Variants in KLF8 observed in about 807,000 individuals in gnomAD.
KLF8 encodes KLF transcription factor 8, also known as Krueppel-like factor 8.
KLF8 carries 10 observed loss-of-function variants against 18.2 expected under a neutral mutation model. That is an observed-to-expected ratio of 0.55 (90% CI 0.34 to 0.93). KLF8 has a LOEUF of 0.93. KLF8 is among the 40% of genes least tolerant of loss of function. The pLI is 0.02. For missense variants in KLF8, 264 were observed against 277.9 expected, an observed-to-expected ratio of 0.95 and a Z score of 0.36; for synonymous variants, 109 against 97.3, an observed-to-expected ratio of 1.12 and a Z score of -0.71.
the KLF8 span, among the ~76,000 whole-genome samples, chrX:56,164,173 A>T: frequency 1.0e-4 from 11 of 105,660 alleles, no homozygotes; most frequent in Admixed American, 7.4e-4. Context: ...CATTAATTCA[A>T]ATAGGTTAGA....
chrX:55,945,886 T>C, the KLF8 span, among the ~76,000 whole-genome samples: 9 of 111,107 alleles, frequency 8.1e-5, no homozygotes, highest in Non-Finnish European at 1.7e-4. Flanking sequence ...CCATTCACAA[T>C]TGCTTCAAAG....
At chrX:56,093,761 A>C in the KLF8 span, among the ~76,000 whole-genome samples, 1 of 111,200 alleles carries the variant, frequency 9.0e-6, no homozygotes, top group African/African-American at 3.3e-5. Context: ...TGCATAAGTC[A>C]AATGCAGTAC....
chrX:56,161,677 T>A, the KLF8 span, among the ~76,000 whole-genome samples: 8 of 111,670 alleles, frequency 7.2e-5, no homozygotes, highest in Non-Finnish European at 1.3e-4. Context: ...GTGTAATTTT[T>A]TTTCAAGGTT....
chrX:56,086,739 A>G, the KLF8 span, among the ~76,000 whole-genome samples: 2 of 111,407 alleles, frequency 1.8e-5, no homozygotes, highest in Admixed American at 9.6e-5. Flanking sequence ...TAGTCAGTCT[A>G]AAACCTTCTT....
chrX:56,220,435 C>G, the KLF8 span, among the ~76,000 whole-genome samples: 24 of 111,812 alleles, frequency 2.1e-4, no homozygotes, highest in Non-Finnish European at 7.5e-5. Context: ...CCATAAGATA[C>G]TGAAGTTGGT....
At chrX:55,927,539 G>A in the KLF8 span, among the ~76,000 whole-genome samples, 2 of 111,947 alleles carry the variant, frequency 1.8e-5, no homozygotes, top group Admixed American at 9.5e-5. Flanking sequence ...CATCAGCATC[G>A]TAGTTGCTGT....
chrX:56,279,411 A>G, intron 5 of KLF8, among the ~76,000 whole-genome samples: 1 of 112,067 alleles, frequency 8.9e-6, no homozygotes, highest in African/African-American at 3.2e-5. Context: ...TAACTAAGGA[A>G]GTTTTTTAAA....
At chrX:56,071,487 G>T in the KLF8 span, among the ~76,000 whole-genome samples, 10 of 111,856 alleles carry the variant, frequency 8.9e-5, no homozygotes, top group Non-Finnish European at 1.7e-4. Context: ...GTAAAGCAAA[G>T]AGACAAAAAA....
the KLF8 span, among the ~76,000 whole-genome samples, chrX:56,137,797 G>T: frequency 7.5e-5 from 8 of 106,668 alleles, no homozygotes; most frequent in African/African-American, 2.7e-4. Context: ...AAAGAAAAAA[G>T]AAAAACAAGC....
At chrX:56,238,205 G>T (rs961235998) in intron 1 of KLF8, among the ~76,000 whole-genome samples, 1 of 111,771 alleles carries the variant, frequency 8.9e-6, no homozygotes, top group Admixed American at 9.5e-5. Flanking sequence ...TAGGCCGGGC[G>T]CAGTGGCTCA....
At chrX:56,150,225 G>C in the KLF8 span, among the ~76,000 whole-genome samples, 2 of 111,573 alleles carry the variant, frequency 1.8e-5, no homozygotes, top group Non-Finnish European at 3.8e-5. Context: ...GAAGGAGATA[G>C]AGCCTTTAGT....
chrX:56,124,516 A>G, the KLF8 span, among the ~76,000 whole-genome samples: 2 of 112,111 alleles, frequency 1.8e-5, no homozygotes, highest in African/African-American at 6.5e-5. Context: ...GCCATATAAA[A>G]CATGATGCTT....
At chrX:56,270,893 G>A (rs1230952745) in intron 5 of KLF8, among the ~76,000 whole-genome samples, 1 of 111,485 alleles carries the variant, frequency 9.0e-6, no homozygotes. Context: ...ATCTGAAGAA[G>A]GAGAGCTGCC....
chrX:56,056,565 C>T, the KLF8 span, among the ~76,000 whole-genome samples: 5 of 94,688 alleles, frequency 5.3e-5, no homozygotes, highest in African/African-American at 1.6e-4. Flanking sequence ...AACCAAACAC[C>T]GCATATTCTC....
the KLF8 span, among the ~76,000 whole-genome samples, chrX:55,925,097 G>A: frequency 9.7e-6 from 1 of 103,054 alleles, no homozygotes; most frequent in African/African-American, 3.6e-5. Flanking sequence ...CTGACCTCAG[G>A]TGATCCGCCT....
At chrX:56,264,380 T>C (rs1222747013) in intron 2 of KLF8, among the ~76,000 whole-genome samples, 4 of 111,049 alleles carry the variant, frequency 3.6e-5, no homozygotes. Context: ...ATGTATTTAT[T>C]GGTTTTTTAA....
the KLF8 span, among the ~76,000 whole-genome samples, chrX:56,038,314 G>A: frequency 9.0e-6 from 1 of 111,452 alleles, no homozygotes; most frequent in Non-Finnish European, 1.9e-5. Flanking sequence ...CACAGATTAT[G>A]CCATCACCTA....
chrX:56,011,731 AAAG>A, the KLF8 span, among the ~76,000 whole-genome samples: 266 of 112,108 alleles, frequency 2.4e-3, no homozygotes, highest in Admixed American at 5.5e-3. Flanking sequence ...AGAAGAAAAG[AAAG>A]AAGAATGAAA....
chrX:56,152,683 A>G, the KLF8 span, among the ~76,000 whole-genome samples: 10 of 111,370 alleles, frequency 9.0e-5, 1 homozygote, highest in Middle Eastern at 8.4e-3. Context: ...AATCAAAGGT[A>G]GTGCTTTATT....
Sources: allele counts gnomAD v4.1 joint callset (sites outside exome capture counted in the v4.1 genomes callset), GRCh38; gene constraint gnomAD v4.1.1; transcripts MANE v1.5; gene names NCBI Gene and HGNC (gene_info 2026-07-23, HGNC 2026-07-21).